The following PAK5 variants were observed in gnomAD, a reference collection of about 807,000 sequenced individuals.
The protein encoded by PAK5 is p21 (RAC1) activated kinase 5, also known as serine/threonine-protein kinase PAK 5.
Under a neutral mutation model 65.9 loss-of-function variants are expected in PAK5, and 16 were observed. That is an observed-to-expected ratio of 0.24 (90% CI 0.16 to 0.37). The LOEUF is 0.37. Among genes scored for constraint, PAK5 ranks in the 10% least tolerant of loss-of-function variants. The pLI, the probability that PAK5 is intolerant of heterozygous loss-of-function variation, is 1.00. For missense variants in PAK5, 785 were observed against 903.9 expected (o/e 0.87, Z 1.69); for synonymous variants, 371 against 354.9 (o/e 1.05, Z -0.51).
At chr20:9,729,301 G>T (rs1038165843) in intron 1 of PAK5, among the ~76,000 whole-genome samples, 1 of 152,134 alleles carries the variant, frequency 6.6e-6, no homozygotes, top group East Asian at 1.9e-4. Context: ...TTAAAATACA[G>T]GAGATTTCAC....
At chr20:9,819,760 A>G (rs1035474084) in intron 1 of PAK5, among the ~76,000 whole-genome samples, 7 of 152,186 alleles carry the variant, frequency 4.6e-5, no homozygotes, top group African/African-American at 1.7e-4. Context: ...CCCAGGCAAC[A>G]GTAATTAGAC....
intron 1 of PAK5, among the ~76,000 whole-genome samples, chr20:9,783,866 A>G (rs2048966759): frequency 6.6e-6 from 1 of 152,160 alleles, no homozygotes; most frequent in South Asian, 2.1e-4. Context: ...AATAGATTTA[A>G]CCACGCTAAA....
chr20:9,768,907 T>G (rs2048802802), intron 1 of PAK5, among the ~76,000 whole-genome samples: 1 of 149,084 alleles, frequency 6.7e-6, no homozygotes, highest in African/African-American at 2.5e-5. Flanking sequence ...AATATATGAC[T>G]ATTATGTTCC....
At chr20:9,590,477 C>T (rs2046149192) in intron 3 of PAK5, among the ~76,000 whole-genome samples, 1 of 152,034 alleles carries the variant, frequency 6.6e-6, no homozygotes, top group African/African-American at 2.4e-5. Context: ...GGTTGAGTTG[C>T]AAGAGAGACT....
chr20:9,607,253 C>A (rs1286783833), intron 3 of PAK5, among the ~76,000 whole-genome samples: 1 of 152,212 alleles, frequency 6.6e-6, no homozygotes, highest in African/African-American at 2.4e-5. Flanking sequence ...GGTGCATCAC[C>A]TGAACCTGAC....
In PAK5 at chr20:9,690,072, C is replaced by T. The variant is rs549835102; in HGVS notation, c.-12+21214G>A. Among the ~76,000 whole-genome samples the T allele has an allele frequency of 1.6e-4, 25 of 152,258 alleles. No homozygotes were observed. In the East Asian group the frequency reaches 4.8e-3, roughly 29 times the overall value. On this transcript the variant is annotated intron_variant, in intron 2 of 9. Transcript: ENST00000353224. ...AATCTTCTTTGCTCAGCCAGTCAGACAACAGTATCATAAAAATAGGAATTG... is the reference window on the plus strand; with the variant it reads ...AATCTTCTTTGCTCAGCCAGTCAGATAACAGTATCATAAAAATAGGAATTG...
At chr20:9,812,592 A>C (rs949552154) in intron 1 of PAK5, among the ~76,000 whole-genome samples, 1 of 152,186 alleles carries the variant, frequency 6.6e-6, no homozygotes, top group Non-Finnish European at 1.5e-5. Context: ...ATGTACACCC[A>C]AGGGAAGTAG....
chr20:9,597,717 A>G (rs2123092722), intron 3 of PAK5, among the ~76,000 whole-genome samples: 1 of 152,252 alleles, frequency 6.6e-6, no homozygotes, highest in African/African-American at 2.4e-5. Context: ...ACGTTTCTAG[A>G]GGCTGTGCAG....
intron 2 of PAK5, among the ~76,000 whole-genome samples, chr20:9,665,491 TTTA>T (rs2047404556): frequency 6.6e-6 from 1 of 152,008 alleles, no homozygotes; most frequent in Admixed American, 6.6e-5. Flanking sequence ...CTTTTCTTTC[TTTA>T]TTTTTTGAGT....
chr20:9,772,743 G>A (rs1416309018), intron 1 of PAK5, among the ~76,000 whole-genome samples: 1 of 152,216 alleles, frequency 6.6e-6, no homozygotes, highest in African/African-American at 2.4e-5. Flanking sequence ...TCAGTGCCAT[G>A]CATATCCCCT....
intron 1 of PAK5, among the ~76,000 whole-genome samples, chr20:9,724,762 C>T (rs2048256627): frequency 6.6e-6 from 1 of 152,036 alleles, no homozygotes; most frequent in Non-Finnish European, 1.5e-5. Flanking sequence ...CCAGCATCTC[C>T]ATGTACTGAC....
intron 3 of PAK5, among the ~76,000 whole-genome samples, chr20:9,589,354 T>C (rs1431659258): frequency 1.3e-5 from 2 of 152,240 alleles, no homozygotes; most frequent in African/African-American, 4.8e-5. Flanking sequence ...TAGATCCTTA[T>C]AGGAAGAAAC....
intron 3 of PAK5, among the ~76,000 whole-genome samples, chr20:9,600,723 C>T (rs2046344623): frequency 6.6e-6 from 1 of 152,212 alleles, no homozygotes; most frequent in African/African-American, 2.4e-5. Flanking sequence ...AGGGGAACTG[C>T]TTCTCTGCTG....
At chr20:9,540,103 G>C (rs6077560) in intron 9 of PAK5, among the ~76,000 whole-genome samples, 29,719 of 151,866 alleles carry the variant, frequency 0.2, 3,846 homozygotes, top group African/African-American at 0.37. Flanking sequence ...TCCTTTTAAA[G>C]GTATATCTTA....
At chr20:9,661,040 C>G (rs150490135) in intron 2 of PAK5, among the ~76,000 whole-genome samples, 36 of 152,256 alleles carry the variant, frequency 2.4e-4, no homozygotes, top group African/African-American at 7.9e-4. Flanking sequence ...TTTGACAAAG[C>G]TCTCCAGATG....
chr20:9,783,965 C>A (rs2048967829), intron 1 of PAK5, among the ~76,000 whole-genome samples: 1 of 152,052 alleles, frequency 6.6e-6, no homozygotes, highest in African/African-American at 2.4e-5. Flanking sequence ...AAAACAGAAT[C>A]TTGGCAAGAA....
At chr20:9,542,741 G>A (rs750376794) in intron 8 of PAK5, 21 bp from the exon 9 acceptor site, 2 of 1,609,770 alleles carry the variant, frequency 1.2e-6, no homozygotes, top group South Asian at 2.2e-5. Context: ...CACCCTACTG[G>A]TTATCTCAGG....
intron 2 of PAK5, among the ~76,000 whole-genome samples, chr20:9,699,547 C>T (rs2047911496): frequency 2.8e-5 from 2 of 72,298 alleles, no homozygotes; most frequent in African/African-American, 5.5e-5. Flanking sequence ...GGTTATTTTG[C>T]TTCTTGTTTT....
chr20:9,541,220 C>A (rs568978688), intron 9 of PAK5, among the ~76,000 whole-genome samples: 1 of 152,274 alleles, frequency 6.6e-6, no homozygotes, highest in Non-Finnish European at 1.5e-5. Flanking sequence ...GGCAGCCACA[C>A]ACTCTCTTTT....
Sources: allele counts gnomAD v4.1 joint callset (sites outside exome capture counted in the v4.1 genomes callset), GRCh38; gene constraint gnomAD v4.1.1; transcripts MANE v1.5; gene names NCBI Gene and HGNC (gene_info 2026-07-23, HGNC 2026-07-21).